The following TPD52L1 variants were observed in gnomAD, a reference collection of about 807,000 sequenced individuals.
The protein encoded by TPD52L1 is tumor protein D53.
A neutral mutation model predicts 28.7 loss-of-function variants in TPD52L1; 18 were observed. The observed-to-expected ratio is 0.63, with a 90% CI of 0.43 to 0.93. The LOEUF (loss-of-function observed/expected upper bound fraction) is 0.93. Among genes scored for constraint, TPD52L1 ranks in the 40% least tolerant of loss-of-function variants. The pLI, the probability that TPD52L1 is intolerant of heterozygous loss-of-function variation, is 0.00. For missense variants in TPD52L1, 203 were observed against 254.8 expected (o/e 0.80, Z 1.39); for synonymous variants, 75 against 88.8 (o/e 0.84, Z 0.88).
At chr6:125,173,312 A>G (rs1791615434) in intron 1 of TPD52L1, among the ~76,000 whole-genome samples, 1 of 152,242 alleles carries the variant, frequency 6.6e-6, no homozygotes, top group South Asian at 2.1e-4. Flanking sequence ...TGAGTCAGGC[A>G]CACGGTCCAA....
intron 5 of TPD52L1, among the ~76,000 whole-genome samples, chr6:125,255,020 A>C (rs1311986349): frequency 6.6e-6 from 1 of 152,220 alleles, no homozygotes; most frequent in East Asian, 1.9e-4. Context: ...AAGATTGCTT[A>C]ATTCATCTTT....
chr6:125,202,495 G>C (rs558286515), intron 1 of TPD52L1, among the ~76,000 whole-genome samples: 1 of 152,058 alleles, frequency 6.6e-6, no homozygotes, highest in Non-Finnish European at 1.5e-5. Context: ...TGGGTGCCTC[G>C]CAGCTACTCA....
chr6:125,184,191 A>G (rs914859633), intron 1 of TPD52L1, among the ~76,000 whole-genome samples: 2 of 152,218 alleles, frequency 1.3e-5, no homozygotes, highest in Admixed American at 1.3e-4. Context: ...TGATGCTACC[A>G]TAGCAACTTA....
intron 1 of TPD52L1, among the ~76,000 whole-genome samples, chr6:125,210,031 C>T (rs944784802): frequency 2.6e-5 from 4 of 152,074 alleles, no homozygotes; most frequent in African/African-American, 7.2e-5. Context: ...CAGAGCTCTT[C>T]TTTGAAAAAA....
chr6:125,174,546 C>T (rs138777931), intron 1 of TPD52L1, among the ~76,000 whole-genome samples: 91 of 152,268 alleles, frequency 6.0e-4, no homozygotes, highest in African/African-American at 2.1e-3. Context: ...GCTAATGAGA[C>T]AATAAATGTT....
At chr6:125,182,162 G>T (rs1457247278) in intron 1 of TPD52L1, among the ~76,000 whole-genome samples, 1 of 152,204 alleles carries the variant, frequency 6.6e-6, no homozygotes, top group Non-Finnish European at 1.5e-5. Flanking sequence ...CCTTTTAAAA[G>T]CTAATATTTA....
chr6:125,154,720 G>T (rs752470808), intron 1 of TPD52L1, among the ~76,000 whole-genome samples: 7 of 152,182 alleles, frequency 4.6e-5, no homozygotes, highest in Non-Finnish European at 8.8e-5. Flanking sequence ...AATCGTTCAA[G>T]AATGGGGGTA....
At chr6:125,251,991 T>C in intron 4 of TPD52L1, 1 of 1,536,072 alleles carries the variant, frequency 6.5e-7, no homozygotes, top group Non-Finnish European at 8.7e-7. Flanking sequence ...ACTCTGCTCC[T>C]GCTCTTCTCT....
chr6:125,237,377 A>G (rs1020144185), intron 3 of TPD52L1, among the ~76,000 whole-genome samples: 1 of 152,254 alleles, frequency 6.6e-6, no homozygotes, highest in African/African-American at 2.4e-5. Context: ...AAGCAGTGAG[A>G]AAGTAGACTC....
intron 1 of TPD52L1, among the ~76,000 whole-genome samples, chr6:125,169,180 T>C (rs68145709): frequency 0.072 from 10,982 of 152,170 alleles, 685 homozygotes; most frequent in African/African-American, 0.18. Context: ...TTCAGGATAC[T>C]GAACAGTTCT....
At chr6:125,218,743 T>C (rs1190606841) in intron 1 of TPD52L1, among the ~76,000 whole-genome samples, 1 of 152,192 alleles carries the variant, frequency 6.6e-6, no homozygotes, top group Admixed American at 6.5e-5. Flanking sequence ...GTCCAATGTG[T>C]TTTTTCTATA....
intron 3 of TPD52L1, among the ~76,000 whole-genome samples, chr6:125,247,334 A>G (rs979229172): frequency 4.6e-5 from 7 of 152,092 alleles, no homozygotes; most frequent in Non-Finnish European, 1.0e-4. Context: ...TCCTCAAGTT[A>G]TGTACCTTTT....
At chr6:125,172,537 T>TATATATATATA (rs1562214500) in intron 1 of TPD52L1, among the ~76,000 whole-genome samples, 21 of 88,866 alleles carry the variant, frequency 2.4e-4, no homozygotes, top group African/African-American at 1.1e-3. Flanking sequence ...TATATATATA[T>TATATATATATA]ATATATATAT....
At chr6:125,253,975 A>C in intron 5 of TPD52L1, 1 of 740,294 alleles carries the variant, frequency 1.4e-6, no homozygotes, top group Non-Finnish European at 2.5e-6. Flanking sequence ...ATCCAAGACA[A>C]GTGACTTAAC....
At chr6:125,229,072 T>C in intron 2 of TPD52L1, 46 bp from the exon 3 acceptor site, 2 of 1,588,258 alleles carry the variant, frequency 1.3e-6, no homozygotes, top group South Asian at 2.3e-5. Context: ...GTATCCTTTT[T>C]TGCTGGTCTG....
rs1562210596 is a variant in TPD52L1, at chr6:125,172,128, CTTTCTTTCTTTCTTTCTTTCTTTCTTTCT to C, written c.19+18190_19+18218del. Among the ~76,000 whole-genome samples, 186 of 62,102 alleles carry C rather than the reference CTTTCTTTCTTTCTTTCTTTCTTTCTTTCT, an allele frequency of 3.0e-3. 1 individual carries two copies. Among genetic ancestry groups the C allele is most frequent in the African/African-American group, 0.016 (172 of 11,026 alleles). The allele number at this position is 62,102 out of a possible 152,430, so 40.7% of individuals were successfully genotyped here. A position where few individuals can be genotyped will look rare whatever the true frequency, so the allele number is the denominator to read the frequency against. On this transcript the variant is annotated intron_variant, in intron 1 of 6. Coordinates refer to ENST00000534000, the MANE Select transcript of TPD52L1 (RefSeq NM_003287.4). The stretch of plus-strand genomic sequence containing the variant: ...TCTTTCTTTCTTTCTTTCTTTCTTT[CTTTCTTTCTTTCTTTCTTTCTTTCTTTCT>C]TTTCTTTCTTTCTTTCTTTCTTTCT...
intron 1 of TPD52L1, among the ~76,000 whole-genome samples, chr6:125,201,862 A>G (rs1793816761): frequency 6.6e-6 from 1 of 152,048 alleles, no homozygotes; most frequent in Non-Finnish European, 1.5e-5. Flanking sequence ...TTTAGCATTT[A>G]TTTTGCTACT....
intron 2 of TPD52L1, 78 bp downstream of exon 2, chr6:125,220,271 A>T: frequency 1.1e-6 from 1 of 900,978 alleles, no homozygotes; most frequent in Non-Finnish European, 1.8e-6. Flanking sequence ...TAATAATTGT[A>T]ATGATGTTGT....
chr6:125,174,858 G>A (rs574646525), intron 1 of TPD52L1, among the ~76,000 whole-genome samples: 4 of 152,270 alleles, frequency 2.6e-5, no homozygotes, highest in African/African-American at 9.6e-5. Flanking sequence ...AAGGGTGCAT[G>A]TCCTCCATGG....
Sources: gnomAD v4.1 joint callset for allele counts (sites outside exome capture counted in the v4.1 genomes callset) on GRCh38, gnomAD v4.1.1 for gene constraint, MANE v1.5 for transcripts, NCBI Gene and HGNC (gene_info 2026-07-23, HGNC 2026-07-21) for gene names.